The following RAI2 variants were observed in gnomAD, a reference collection of about 807,000 sequenced individuals.
The protein encoded by RAI2 is retinoic acid induced 2, also known as retinoic acid-induced protein 2.
In RAI2, 5 loss-of-function variants were observed where a neutral mutation model predicts 15.3. The ratio of observed to expected loss-of-function variants is 0.33; its 90% CI spans 0.17 to 0.69. RAI2 has a LOEUF of 0.69. RAI2 is among the 30% of genes least tolerant of loss of function. The pLI is 0.69. For missense variants in RAI2, 424 were observed against 424.7 expected, an observed-to-expected ratio of 1.00 and a Z score of 0.01; for synonymous variants, 191 against 184.0, an observed-to-expected ratio of 1.04 and a Z score of -0.31.
At position 17,800,811 on chromosome X, in the gene RAI2, A is replaced by T; in HGVS notation, c.1200T>A (p.Ser400Arg). Reference protein sequence around the residue: ...TSHEAPAMMDSHISSSDAATE... With the variant: ...TSHEAPAMMDRHISSSDAATE... ...TAGCAGCATCACTGCTGCTGATGTGACTATCCATCATGGCTGGGGCCTCAT... is the reference window on the plus strand; with the variant it reads ...TAGCAGCATCACTGCTGCTGATGTGTCTATCCATCATGGCTGGGGCCTCAT... Residue 400 changes from serine to arginine, a missense_variant, in exon 2 of 2, where the codon AGT becomes AGA. By Grantham distance (110) the Ser-to-Arg change is moderately radical. Coordinates refer to ENST00000451717, the MANE Select transcript of RAI2 (RefSeq NM_021785.6). 1 of 1,211,567 alleles carries T rather than the reference A, an allele frequency of 8.3e-7. No homozygotes were observed. The highest frequency in any genetic ancestry group is 1.1e-6 in the Non-Finnish European group (1 of 895,391).
In RAI2 at chrX:17,861,199, G is replaced by A; in HGVS notation, c.-126C>T. The A allele has an allele frequency of 8.8e-6, 1 of 113,537 alleles. No homozygotes were observed. Among genetic ancestry groups the A allele is most frequent in the Non-Finnish European group, 1.9e-5 (1 of 53,795 alleles). 9.4% of individuals were successfully genotyped at this position (113,537 alleles called of 1,213,427 possible). On this transcript the variant is annotated 5_prime_UTR_variant, in exon 1 of 2. Transcript: ENST00000451717. Reference sequence around the variant, plus strand: ...GCCGGCCGCCTGAAGGGGGTGCGCCGCGGTGGGAGCCGCCGTCGCCGCTGT... The same window carrying A: ...GCCGGCCGCCTGAAGGGGGTGCGCCACGGTGGGAGCCGCCGTCGCCGCTGT...
chrX:17,824,805 G>A (rs2067208416), intron 1 of RAI2, among the ~76,000 whole-genome samples: 1 of 111,866 alleles, frequency 8.9e-6, no homozygotes, highest in Admixed American at 9.5e-5. Flanking sequence ...CCATCTTGAA[G>A]GCATTACACA....
chrX:17,856,768 T>C (rs1359214338), intron 1 of RAI2, among the ~76,000 whole-genome samples: 7 of 112,217 alleles, frequency 6.2e-5, no homozygotes, highest in African/African-American at 2.3e-4. Context: ...CAAAGTCACA[T>C]ACTTCTTCCA....
chrX:17,828,458 T>G (rs1480249065), intron 1 of RAI2, among the ~76,000 whole-genome samples: 3 of 112,029 alleles, frequency 2.7e-5, no homozygotes, highest in African/African-American at 9.7e-5. Context: ...GCTCTTGGCT[T>G]GGCATTTGGT....
At chrX:17,831,828 G>A (rs1159073576) in intron 1 of RAI2, among the ~76,000 whole-genome samples, 1 of 112,277 alleles carries the variant, frequency 8.9e-6, no homozygotes, top group African/African-American at 3.2e-5. Flanking sequence ...TAGCTGTTAT[G>A]AGTGCATCAG....
chrX:17,821,524 C>A (rs2067164253), intron 1 of RAI2, among the ~76,000 whole-genome samples: 1 of 109,885 alleles, frequency 9.1e-6, no homozygotes, highest in Non-Finnish European at 1.9e-5. Flanking sequence ...AAATGACATT[C>A]CAGCACTCTA....
chrX:17,854,507 A>G (rs1409425038), intron 1 of RAI2, among the ~76,000 whole-genome samples: 2 of 112,260 alleles, frequency 1.8e-5, no homozygotes, highest in African/African-American at 6.5e-5. Flanking sequence ...TGGAGCTTCC[A>G]GGCTTAAAGC....
intron 1 of RAI2, among the ~76,000 whole-genome samples, chrX:17,815,498 A>ATTG (rs1272289007): frequency 1.8e-5 from 2 of 111,340 alleles, no homozygotes. Context: ...TCAAATCTTT[A>ATTG]TTGTTGCAGC....
chrX:17,854,417 A>G (rs1361269677), intron 1 of RAI2, among the ~76,000 whole-genome samples: 1 of 112,138 alleles, frequency 8.9e-6, no homozygotes, highest in Non-Finnish European at 1.9e-5. Context: ...TTCATCCTAG[A>G]ACATTCTATG....
At chrX:17,842,717 G>T (rs2147268020) in intron 1 of RAI2, among the ~76,000 whole-genome samples, 1 of 109,530 alleles carries the variant, frequency 9.1e-6, no homozygotes, top group South Asian at 4.0e-4. Context: ...GGCAATCTCT[G>T]GGTGGTAAGA....
intron 1 of RAI2, among the ~76,000 whole-genome samples, chrX:17,805,144 C>G (rs748784205): frequency 1.8e-4 from 20 of 112,912 alleles, no homozygotes; most frequent in African/African-American, 5.8e-4. Context: ...GCTTCCCAGG[C>G]TTCCCTTCGA....
At chrX:17,816,764 A>G (rs2067112330) in intron 1 of RAI2, among the ~76,000 whole-genome samples, 1 of 111,643 alleles carries the variant, frequency 9.0e-6, no homozygotes, top group Admixed American at 9.4e-5. Flanking sequence ...CCAGCTGTTC[A>G]CCAAACCCAT....
intron 1 of RAI2, among the ~76,000 whole-genome samples, chrX:17,859,160 C>T (rs1483541496): frequency 9.0e-6 from 1 of 111,385 alleles, no homozygotes; most frequent in Non-Finnish European, 1.9e-5. Context: ...GAAAACTAGC[C>T]TCCATACTGT....
intron 1 of RAI2, among the ~76,000 whole-genome samples, chrX:17,843,225 C>T (rs962143227): frequency 3.6e-5 from 4 of 111,490 alleles, no homozygotes; most frequent in South Asian, 3.8e-4. Context: ...TGCACTCCAA[C>T]GAGTGGCAGA....
chrX:17,817,652 C>T, intron 1 of RAI2, among the ~76,000 whole-genome samples: 1 of 112,396 alleles, frequency 8.9e-6, no homozygotes. Flanking sequence ...GAGGGAGAAG[C>T]AGCAGGTCCC....
intron 1 of RAI2, among the ~76,000 whole-genome samples, chrX:17,816,855 C>T (rs891528123): frequency 2.7e-5 from 3 of 111,526 alleles, no homozygotes; most frequent in African/African-American, 9.8e-5. Context: ...GCAAAGGGAA[C>T]GTGAGTTGAA....
At chrX:17,817,758 C>G (rs979410398) in intron 1 of RAI2, among the ~76,000 whole-genome samples, 1 of 112,286 alleles carries the variant, frequency 8.9e-6, no homozygotes, top group African/African-American at 3.2e-5. Context: ...CTCCTTGTAC[C>G]CTTTGATGGT....
At chrX:17,849,786 G>T (rs2147277813) in intron 1 of RAI2, among the ~76,000 whole-genome samples, 1 of 112,813 alleles carries the variant, frequency 8.9e-6, no homozygotes, top group African/African-American at 3.2e-5. Context: ...TTGCTGGCAG[G>T]CCAGAAAGGT....
At chrX:17,848,284 CA>C (rs1210258760) in intron 1 of RAI2, among the ~76,000 whole-genome samples, 1 of 42,126 alleles carries the variant, frequency 2.4e-5, no homozygotes, top group Non-Finnish European at 4.6e-5. Flanking sequence ...TCAAATAAAA[CA>C]AAAAATGAAA....
Sources: allele counts gnomAD v4.1 joint callset (sites outside exome capture counted in the v4.1 genomes callset), GRCh38; gene constraint gnomAD v4.1.1; transcripts MANE v1.5; gene names NCBI Gene and HGNC (gene_info 2026-07-23, HGNC 2026-07-21).